The following PCDHGB7 variants were observed in gnomAD, a reference collection of about 807,000 sequenced individuals.
PCDHGB7 encodes protocadherin gamma subfamily B, 7.
A neutral mutation model predicts 61.4 loss-of-function variants in PCDHGB7; 37 were observed. The ratio of observed to expected loss-of-function variants is 0.60; its 90% CI spans 0.46 to 0.79. The LOEUF is 0.79. PCDHGB7 is among the 30% of genes least tolerant of loss of function. The probability of loss-of-function intolerance (pLI) is 0.00; values close to 1 mark genes in which losing one functional copy is unlikely to be tolerated. For missense variants in PCDHGB7, 1,166 were observed against 1,202.5 expected (o/e 0.97, Z 0.45); for synonymous variants, 464 against 503.5 (o/e 0.92, Z 1.05).
chr5:141,501,636 C>T (rs2099810310), intron 2 of PCDHGB7, among the ~76,000 whole-genome samples: 1 of 152,130 alleles, frequency 6.6e-6, no homozygotes, highest in South Asian at 2.1e-4. Flanking sequence ...CTCAACCTCT[C>T]TGAGCCCTGT....
intron 1 of PCDHGB7, among the ~76,000 whole-genome samples, chr5:141,463,539 C>T (rs1408887405): frequency 6.7e-6 from 1 of 148,606 alleles, no homozygotes; most frequent in Admixed American, 6.8e-5. Context: ...AACTCCGGCT[C>T]CCGGGTTCAT....
At position 141,433,290 on chromosome 5, in the gene PCDHGB7, C is replaced by T. The variant is rs186668064; in HGVS notation, c.2415+13016C>T. ...CTCACTGCAGCCTCAAACTCCTAGG[C>T]TCAAGCAATTATCCCACCTTTGCCT... On this transcript the variant is annotated intron_variant, in intron 1 of 3. Transcript: ENST00000398594. The T allele has an allele frequency of 1.6e-3, 1,738 of 1,107,746 alleles. 60 individuals carry two copies. In the Admixed American group the frequency reaches 0.041, roughly 26 times the overall value. 68.6% of individuals were successfully genotyped at this position (1,107,746 alleles called of 1,614,324 possible). A position where few individuals can be genotyped will look rare whatever the true frequency, so the allele number is the denominator to read the frequency against.
At chr5:141,451,484 G>A (rs2098717067) in intron 1 of PCDHGB7, among the ~76,000 whole-genome samples, 1 of 152,194 alleles carries the variant, frequency 6.6e-6, no homozygotes, top group Admixed American at 6.5e-5. Flanking sequence ...CTTGCCATGT[G>A]GACCTCCATA....
At chr5:141,421,770 G>T in intron 1 of PCDHGB7, 6 of 1,613,856 alleles carry the variant, frequency 3.7e-6, no homozygotes, top group East Asian at 2.2e-5. Context: ...ACTTTTCCTT[G>T]CAACTGCGGG....
At chr5:141,461,007 A>G (rs965754689) in intron 1 of PCDHGB7, among the ~76,000 whole-genome samples, 1 of 151,418 alleles carries the variant, frequency 6.6e-6, no homozygotes, top group Non-Finnish European at 1.5e-5. Flanking sequence ...GTGTATATAT[A>G]TATACCACAT....
At chr5:141,499,168 C>T (rs1169979036) in intron 2 of PCDHGB7, among the ~76,000 whole-genome samples, 3 of 152,184 alleles carry the variant, frequency 2.0e-5, no homozygotes, top group African/African-American at 7.2e-5. Context: ...GTCTCAAGCT[C>T]TGAGCCCAGC....
chr5:141,470,379 A>G (rs1210709847), intron 1 of PCDHGB7, among the ~76,000 whole-genome samples: 1 of 152,086 alleles, frequency 6.6e-6, no homozygotes, highest in East Asian at 1.9e-4. Flanking sequence ...TGGAAAGACT[A>G]CTCGATGATA....
Position 141,432,220 on chromosome 5 carries a change from C to T in PCDHGB7, c.2415+11946C>T. The T allele has an allele frequency of 6.2e-7, 1 of 1,614,246 alleles. No homozygotes were observed. Among genetic ancestry groups the T allele is most frequent in the Non-Finnish European group, 8.5e-7 (1 of 1,180,040 alleles). Reference sequence around the variant, plus strand: ...CCGACTGTGAAGAGAACGCCCAGATCACTTATTCCCTGGCTGAGAACACCA... The same window carrying T: ...CCGACTGTGAAGAGAACGCCCAGATTACTTATTCCCTGGCTGAGAACACCA... On this transcript the variant is annotated intron_variant, in intron 1 of 3. Coordinates refer to ENST00000398594, the MANE Select transcript of PCDHGB7 (RefSeq NM_018927.4). The surrounding 1 kb of genome is among the most constrained non-coding windows in gnomAD (Gnocchi z 6.0).
chr5:141,496,342 G>A (rs1430202202), intron 2 of PCDHGB7, among the ~76,000 whole-genome samples: 1 of 152,208 alleles, frequency 6.6e-6, no homozygotes, highest in East Asian at 1.9e-4. Context: ...GAGCCTGGAG[G>A]AGTCTCAGAG....
At chr5:141,484,880 T>G (rs1258072805) in intron 1 of PCDHGB7, 3 of 336,846 alleles carry the variant, frequency 8.9e-6, no homozygotes, top group Admixed American at 9.2e-5. Flanking sequence ...GAGGATAGGG[T>G]GGGCTTTTTC....
At chr5:141,488,691 G>A (rs1443084778) in intron 1 of PCDHGB7, among the ~76,000 whole-genome samples, 2 of 152,192 alleles carry the variant, frequency 1.3e-5, no homozygotes, top group Non-Finnish European at 2.9e-5. Flanking sequence ...CTCCCAGAAG[G>A]ACAAGATTTT....
intron 1 of PCDHGB7, among the ~76,000 whole-genome samples, chr5:141,455,246 G>A (rs2098817522): frequency 6.6e-6 from 1 of 151,962 alleles, no homozygotes; most frequent in Non-Finnish European, 1.5e-5. Context: ...AAAGGTCATA[G>A]TACAATCGCA....
chr5:141,487,590 C>G lies in PCDHGB7; in HGVS notation c.2416-7217C>G. 1 of 1,614,160 alleles carries G rather than the reference C, an allele frequency of 6.2e-7. No homozygotes were observed. Among genetic ancestry groups the G allele is most frequent in the Non-Finnish European group, 8.5e-7 (1 of 1,180,040 alleles). ...GAGCCTGTTCGCCCAAGCTGCCCACCCTCTGATCTTCTCTATGGGCTAGAG... is the reference window on the plus strand; with the variant it reads ...GAGCCTGTTCGCCCAAGCTGCCCACGCTCTGATCTTCTCTATGGGCTAGAG... On this transcript the variant is annotated intron_variant, in intron 1 of 3. Transcript: ENST00000398594. The surrounding 1 kb of genome is among the most constrained non-coding windows in gnomAD (Gnocchi z 5.0).
chr5:141,439,190 CA>C (rs200519543), intron 1 of PCDHGB7, among the ~76,000 whole-genome samples: 2,445 of 111,432 alleles, frequency 0.022, 39 homozygotes, highest in African/African-American at 0.057. Flanking sequence ...GAGACTCTGA[CA>C]AAAAAAAAAA....
intron 2 of PCDHGB7, among the ~76,000 whole-genome samples, chr5:141,495,107 AC>A (rs1422274779): frequency 1.3e-5 from 2 of 152,048 alleles, no homozygotes; most frequent in Non-Finnish European, 2.9e-5. Context: ...CACGACCGGC[AC>A]CTTTTCCTAT....
At chr5:141,460,829 A>C (rs1242954704) in intron 1 of PCDHGB7, among the ~76,000 whole-genome samples, 1 of 151,944 alleles carries the variant, frequency 6.6e-6, no homozygotes, top group African/African-American at 2.4e-5. Flanking sequence ...ATACACACTT[A>C]AAGTAATGGC....
At position 141,419,926 on chromosome 5, in the gene PCDHGB7, G is replaced by C. The variant is rs1371764532; in HGVS notation, c.2067G>C (p.Gln689His). 12 of 1,613,978 alleles carry C rather than the reference G, an allele frequency of 7.4e-6. No homozygotes were observed. The highest frequency in any genetic ancestry group is 8.5e-6 in the Non-Finnish European group (10 of 1,179,914). ...CCTCTGACTCCCAGGCTGAGATGCA[G>C]TTTTACCTGGTGGTGGCCTTGGCCT... ...PTPSDSQAEM[Q>H]FYLVVALALI... Residue 689 changes from glutamine (Q) to histidine (H), a missense_variant, in exon 1 of 4, where the codon CAG (glutamine) becomes CAC (histidine). Coordinates refer to ENST00000398594, the MANE Select transcript of PCDHGB7 (RefSeq NM_018927.4).
chr5:141,499,485 A>G (rs1278629076), intron 2 of PCDHGB7, among the ~76,000 whole-genome samples: 2 of 152,226 alleles, frequency 1.3e-5, no homozygotes, highest in Non-Finnish European at 2.9e-5. Flanking sequence ...ACCACCAACT[A>G]CAGTTTAATA....
chr5:141,474,908 T>C (rs1016814167), intron 1 of PCDHGB7, among the ~76,000 whole-genome samples: 7 of 152,242 alleles, frequency 4.6e-5, no homozygotes, highest in African/African-American at 1.4e-4. Flanking sequence ...TGTTCAAGGA[T>C]ATACATCTCA....
Sources: gnomAD v4.1 joint callset for allele counts (sites outside exome capture counted in the v4.1 genomes callset) on GRCh38, gnomAD v4.1.1 for gene constraint, Gnocchi (gnomAD v3.1) non-coding constraint, MANE v1.5 for transcripts, NCBI Gene and HGNC (gene_info 2026-07-23, HGNC 2026-07-21) for gene names.